Variants in FOCAD observed in about 807,000 individuals in gnomAD.
The protein encoded by FOCAD is KIAA1797.
A neutral mutation model predicts 225.6 loss-of-function variants in FOCAD; 198 were observed. The ratio of observed to expected loss-of-function variants is 0.88; its 90% confidence interval spans 0.78 to 0.99. The LOEUF is 0.99. FOCAD is among the 50% of genes least tolerant of loss of function. The pLI is 0.00. For synonymous variants in FOCAD, 897 were observed against 755.0 expected (o/e 1.19, Z -3.08); for missense variants, 2,713 against 2,123.6 (o/e 1.28, Z -5.46).
intron 7 of FOCAD, among the ~76,000 whole-genome samples, chr9:20,766,283 G>A (rs1437511167): frequency 1.3e-5 from 2 of 152,152 alleles, no homozygotes; most frequent in East Asian, 3.9e-4. Context: ...TCATTTGGAA[G>A]TACTGGAACT....
chr9:20,950,253 A>G (rs911121144), intron 33 of FOCAD, among the ~76,000 whole-genome samples: 3 of 152,156 alleles, frequency 2.0e-5, no homozygotes, highest in African/African-American at 4.8e-5. Context: ...ATATTTCATC[A>G]TACTTCTTTT....
rs1173027872 is a variant in FOCAD at position 20,976,434 on chromosome 9, C to T, written c.4147C>T (p.Pro1383Ser). ...TGGKKGPESV[P>S]PSLLKVVMKP... ...GTCTGTTATAGGTCCTGAATCTGTG[C>T]CTCCTTCCCTTCTTAAAGTAGTGAT... Residue 1383 changes from proline to serine, a missense_variant, in exon 36 of 44, where the codon CCT becomes TCT. Physicochemically the swap from Pro to Ser is moderately conservative, Grantham distance 74. Coordinates refer to ENST00000338382, the MANE Select transcript of FOCAD (RefSeq NM_001375567.1). 1.9e-6 allele frequency: 3 copies of T among 1,612,808 alleles called. No individual in the cohort carries two copies. The highest frequency in any genetic ancestry group is 2.5e-6 in the Non-Finnish European group (3 of 1,179,152).
At chr9:20,802,180 G>A (rs73438389) in intron 11 of FOCAD, among the ~76,000 whole-genome samples, 4,699 of 152,168 alleles carry the variant, frequency 0.031, 257 homozygotes, top group African/African-American at 0.11. Flanking sequence ...ACTTTTGGAA[G>A]CTGTGTCCTG....
At position 20,986,266 on chromosome 9, in the gene FOCAD, A is replaced by ATTTTTT. The variant is rs545976303; in HGVS notation, c.4729-10_4729-5dup. ...CAGTTAATTTAATAGTAACTAAACA[A>ATTTTTT]TTTTTTTTTTTTTTTTTGCAGAGCA... On this transcript the variant is annotated intron_variant, in intron 39 of 43. Coordinates refer to ENST00000338382, the MANE Select transcript of FOCAD (RefSeq NM_001375567.1). 461 of 709,946 alleles carry ATTTTTT rather than the reference A, an allele frequency of 6.5e-4. 30 individuals are homozygous for ATTTTTT. The highest frequency in any genetic ancestry group is 2.5e-3 in the African/African-American group (84 of 33,174). 44.0% of individuals were successfully genotyped at this position (709,946 alleles called of 1,614,324 possible).
At chr9:20,917,132 A>G (rs1833941842) in intron 24 of FOCAD, among the ~76,000 whole-genome samples, 195 bp downstream of exon 24, 1 of 152,156 alleles carries the variant, frequency 6.6e-6, no homozygotes, top group South Asian at 2.1e-4. Flanking sequence ...GTGAAAATAC[A>G]GAAGGATTGG....
At chr9:20,770,604 T>C (rs1375139714) in intron 8 of FOCAD, among the ~76,000 whole-genome samples, 2 of 152,210 alleles carry the variant, frequency 1.3e-5, no homozygotes, top group African/African-American at 2.4e-5. Flanking sequence ...ACCCCACTTC[T>C]AACATTGGGG....
chr9:20,922,821 C>G (rs1411857227), intron 24 of FOCAD, among the ~76,000 whole-genome samples: 1 of 152,196 alleles, frequency 6.6e-6, no homozygotes, highest in Non-Finnish European at 1.5e-5. Flanking sequence ...AACGAATTGG[C>G]AAACCTAGAG....
At position 20,675,515 on chromosome 9, in the gene FOCAD, A is replaced by G. The variant is rs139848606; in HGVS notation, c.-78+16689A>G. On this transcript the variant is annotated intron_variant, in intron 2 of 45. Transcript: ENST00000380249. ...TCCCAGATTCATCACAATATTCCCA[A>G]CTCACAGGGAGACAATGGTCAGAAA... is the stretch of plus-strand genomic sequence containing the variant. Among the ~76,000 whole-genome samples, 192 of 152,340 alleles carry G rather than the reference A, an allele frequency of 1.3e-3. 3 individuals carry two copies. The East Asian group carries it at 0.034, about 27-fold the overall frequency.
At chr9:20,889,760 T>G (rs188257344) in intron 21 of FOCAD, among the ~76,000 whole-genome samples, 37 of 152,306 alleles carry the variant, frequency 2.4e-4, no homozygotes, top group African/African-American at 7.7e-4. Context: ...TAAACCAGTT[T>G]TAAGAAACCA....
In FOCAD at chr9:20,926,415, T is replaced by A; in HGVS notation, c.3076T>A (p.Tyr1026Asn). The change falls in exon 26 of 44, where the codon TAT becomes AAT. Residue 1026 changes from tyrosine (Y) to asparagine (N), a missense_variant and splice_region_variant. By Grantham distance (143) the Tyr-to-Asn change is moderately radical. Coordinates refer to ENST00000338382, the MANE Select transcript of FOCAD (RefSeq NM_001375567.1). Reference sequence around the variant, plus strand: ...AGGGCAACTTCTCTCCTGGTTTTATTATGTAAGTGCAAAAAATAAAAAATG... The same window carrying A: ...AGGGCAACTTCTCTCCTGGTTTTATAATGTAAGTGCAAAAAATAAAAAATG... Reference protein sequence around the residue: ...PRGQLLSWFYYKSYSGENTAS... With the variant: ...PRGQLLSWFYNKSYSGENTAS... 6.4e-7 allele frequency: 1 copy of A among 1,551,806 alleles called. No homozygotes were observed.
intron 4 of FOCAD, among the ~76,000 whole-genome samples, chr9:20,727,486 T>G (rs1826298399): frequency 6.6e-6 from 1 of 152,220 alleles, no homozygotes; most frequent in Non-Finnish European, 1.5e-5. Context: ...CAGAACTTTG[T>G]TAGGCAAAAG....
chr9:20,938,271 A>G (rs1836214374), intron 28 of FOCAD, among the ~76,000 whole-genome samples: 1 of 152,214 alleles, frequency 6.6e-6, no homozygotes, highest in South Asian at 2.1e-4. Flanking sequence ...CTATAAAGAC[A>G]CATGCACACG....
At chr9:20,700,631 T>C (rs977819176) in intron 1 of FOCAD, among the ~76,000 whole-genome samples, 2 of 152,230 alleles carry the variant, frequency 1.3e-5, no homozygotes, top group African/African-American at 4.8e-5. Flanking sequence ...CTGTATTAAT[T>C]TGGACATAAA....
chr9:20,949,086 C>T (rs886695119), intron 32 of FOCAD, among the ~76,000 whole-genome samples, 158 bp downstream of exon 32: 1 of 152,122 alleles, frequency 6.6e-6, no homozygotes, highest in African/African-American at 2.4e-5. Context: ...TGAATAATTG[C>T]ACTTAACCAA....
intron 1 of FOCAD, among the ~76,000 whole-genome samples, chr9:20,714,626 GCCTGCCTGCCTTCCTT>G (rs1255259766): frequency 2.5e-5 from 3 of 118,730 alleles, no homozygotes; most frequent in Non-Finnish European, 3.5e-5. Flanking sequence ...CTGCCTGCCT[GCCTGCCTGCCTTCCTT>G]CCTTCCTTCC....
At chr9:20,672,662 G>C (rs528846401) in intron 2 of FOCAD, among the ~76,000 whole-genome samples, 2 of 152,290 alleles carry the variant, frequency 1.3e-5, no homozygotes, top group South Asian at 4.2e-4. Context: ...CATTGGCCGG[G>C]CTGGTCTTGA....
In FOCAD at chr9:20,676,885, AC is replaced by A. The variant is rs561865081; in HGVS notation, c.-77-17634del. ...AATACTATTTAAGAAATAGAAAAAAACAACATAAAATTTATAACAAACCACA... is the reference window on the plus strand; with the variant it reads ...AATACTATTTAAGAAATAGAAAAAAAAACATAAAATTTATAACAAACCACA... On this transcript the variant is annotated intron_variant, in intron 2 of 45. Coordinates refer to the FOCAD transcript ENST00000380249. Among the ~76,000 whole-genome samples the A allele has an allele frequency of 1.2e-3, 177 of 152,346 alleles. 1 individual carries two copies. Among genetic ancestry groups the A allele is most frequent in the Non-Finnish European group, 2.0e-3 (139 of 68,020 alleles).
intron 6 of FOCAD, among the ~76,000 whole-genome samples, chr9:20,763,318 T>A (rs1014384332): frequency 1.3e-5 from 2 of 152,154 alleles, no homozygotes; most frequent in African/African-American, 2.4e-5. Context: ...ATTAAGTATG[T>A]AATAATAACA....
At chr9:20,848,271 C>T (rs1260951913) in intron 15 of FOCAD, among the ~76,000 whole-genome samples, 3 of 151,954 alleles carry the variant, frequency 2.0e-5, no homozygotes, top group Non-Finnish European at 2.9e-5. Context: ...AGTGGGGAAA[C>T]GCAGCAAGGC....
Sources: gnomAD v4.1 joint callset for allele counts (sites outside exome capture counted in the v4.1 genomes callset) on GRCh38, gnomAD v4.1.1 for gene constraint, MANE v1.5 for transcripts, NCBI Gene and HGNC (gene_info 2026-07-23, HGNC 2026-07-21) for gene names.